The following PLCB1 variants were observed in gnomAD, a reference collection of about 807,000 sequenced individuals.
PLCB1 encodes phospholipase C beta 1, also known as 1-phosphatidylinositol 4,5-bisphosphate phosphodiesterase beta-1.
PLCB1 carries 46 observed loss-of-function variants against 161.8 expected under a neutral mutation model. The ratio of observed to expected loss-of-function variants is 0.28; its 90% CI spans 0.22 to 0.36. The LOEUF (loss-of-function observed/expected upper bound fraction) is 0.36, where lower values mean the gene tolerates loss of function less well. Among genes scored for constraint, PLCB1 ranks in the 10% least tolerant of loss-of-function variants. PLCB1 has a pLI of 1.00. For synonymous variants in PLCB1, 517 were observed against 503.7 expected (o/e 1.03, Z -0.35); for missense variants, 1,016 against 1,472.5 (o/e 0.69, Z 5.07).
intron 2 of PLCB1, among the ~76,000 whole-genome samples, chr20:8,221,227 C>T (rs1979391290): frequency 6.6e-6 from 1 of 152,054 alleles, no homozygotes; most frequent in Admixed American, 6.6e-5. Context: ...GAGCCAAGAA[C>T]TTAAAAAAAG....
chr20:8,866,178 A>C (rs1987422549), intron 31 of PLCB1, among the ~76,000 whole-genome samples: 1 of 152,174 alleles, frequency 6.6e-6, no homozygotes, highest in Admixed American at 6.5e-5. Context: ...CACCACACTT[A>C]CGTGACGAAG....
chr20:8,252,300 T>C (rs1981186464), intron 2 of PLCB1, among the ~76,000 whole-genome samples: 1 of 151,936 alleles, frequency 6.6e-6, no homozygotes, highest in Non-Finnish European at 1.5e-5. Flanking sequence ...TAGACTGTAA[T>C]GAATAGCCAC....
At chr20:8,629,942 C>CTT in intron 4 of PLCB1, among the ~76,000 whole-genome samples, 2 of 140,814 alleles carry the variant, frequency 1.4e-5, no homozygotes, top group Non-Finnish European at 1.5e-5. Flanking sequence ...TCCTTTCTTT[C>CTT]TCTCTTTCTT....
At chr20:8,370,517 A>G (rs929189211) in intron 2 of PLCB1, among the ~76,000 whole-genome samples, 16 of 152,240 alleles carry the variant, frequency 1.1e-4, no homozygotes, top group Admixed American at 9.2e-4. Flanking sequence ...CTAAGTGTCT[A>G]AAGGCCACGA....
At chr20:8,747,972 A>G (rs1600295418) in intron 23 of PLCB1, among the ~76,000 whole-genome samples, 1 of 152,172 alleles carries the variant, frequency 6.6e-6, no homozygotes, top group African/African-American at 2.4e-5. Context: ...CAGAAACTTG[A>G]TATTTCATTC....
intron 14 of PLCB1, among the ~76,000 whole-genome samples, chr20:8,720,846 A>ATT (rs35830060): frequency 1.4e-5 from 2 of 147,394 alleles, no homozygotes; most frequent in East Asian, 4.0e-4. Context: ...CCCCTCTCTG[A>ATT]TTTTTTTTTT....
At chr20:8,486,077 A>C (rs572768134) in intron 3 of PLCB1, among the ~76,000 whole-genome samples, 2 of 152,262 alleles carry the variant, frequency 1.3e-5, no homozygotes, top group South Asian at 4.1e-4. Flanking sequence ...CCCTTATAAA[A>C]CCATCAGACC....
At chr20:8,391,779 G>GCCACA (rs1239793503) in intron 3 of PLCB1, among the ~76,000 whole-genome samples, 3 of 80,594 alleles carry the variant, frequency 3.7e-5, no homozygotes, top group Admixed American at 1.5e-4. Context: ...ATATATATAT[G>GCCACA]TGTGTGTATA....
At chr20:8,491,615 T>TACTGACTTCC (rs1982950134) in intron 3 of PLCB1, among the ~76,000 whole-genome samples, 1 of 152,164 alleles carries the variant, frequency 6.6e-6, no homozygotes, top group Non-Finnish European at 1.5e-5. Context: ...CCTTGGGAAG[T>TACTGACTTCC]CAGTACTCAA....
chr20:8,403,551 G>C (rs1415419753), intron 3 of PLCB1, among the ~76,000 whole-genome samples: 1 of 152,176 alleles, frequency 6.6e-6, no homozygotes, highest in Non-Finnish European at 1.5e-5. Context: ...AGATGGGCAA[G>C]GCTTCACAGA....
At chr20:8,213,904 C>G (rs554099238) in intron 2 of PLCB1, among the ~76,000 whole-genome samples, 7 of 151,978 alleles carry the variant, frequency 4.6e-5, no homozygotes, top group Non-Finnish European at 8.8e-5. Context: ...CAGCATTTAG[C>G]AAGGAAATAC....
At chr20:8,362,140 T>C (rs1026693106) in intron 2 of PLCB1, among the ~76,000 whole-genome samples, 3 of 152,144 alleles carry the variant, frequency 2.0e-5, no homozygotes, top group Non-Finnish European at 2.9e-5. Context: ...AATTCCTCTG[T>C]GAGAAGCCTG....
intron 1 of PLCB1, among the ~76,000 whole-genome samples, chr20:8,149,391 T>C (rs1600199337): frequency 6.6e-6 from 1 of 152,292 alleles, no homozygotes; most frequent in Non-Finnish European, 1.5e-5. Context: ...AAATCATTCA[T>C]ACTGCTCTGC....
At chr20:8,448,952 TTCCATGA>T (rs1365252468) in intron 3 of PLCB1, among the ~76,000 whole-genome samples, 4 of 152,298 alleles carry the variant, frequency 2.6e-5, no homozygotes, top group African/African-American at 9.6e-5. Context: ...GATTTTATGA[TTCCATGA>T]TCACAGAAAC....
chr20:8,450,146 G>A (rs1376016466), intron 3 of PLCB1, among the ~76,000 whole-genome samples: 1 of 152,022 alleles, frequency 6.6e-6, no homozygotes, highest in African/African-American at 2.4e-5. Context: ...TTTTTCCTAG[G>A]CTTCCTCCCA....
intron 14 of PLCB1, 109 bp downstream of exon 14, chr20:8,717,957 G>A (rs1407243802): frequency 1.1e-6 from 1 of 937,360 alleles, no homozygotes; most frequent in Non-Finnish European, 1.5e-6. Flanking sequence ...TTTGGAGGCT[G>A]AGGCAGGTGG....
intron 31 of PLCB1, among the ~76,000 whole-genome samples, chr20:8,854,858 ACTC>A (rs1987016731): frequency 1.3e-5 from 2 of 152,036 alleles, no homozygotes; most frequent in Admixed American, 1.3e-4. Context: ...GTTAGCCAAG[ACTC>A]CTTCGTGCTT....
intron 3 of PLCB1, among the ~76,000 whole-genome samples, chr20:8,533,583 G>A (rs960831087): frequency 1.4e-4 from 21 of 151,822 alleles, no homozygotes; most frequent in African/African-American, 5.1e-4. Context: ...GTATCTCATT[G>A]TGGTTTTGAT....
chr20:8,160,142 G>A (rs1483673495), intron 2 of PLCB1, among the ~76,000 whole-genome samples: 1 of 152,144 alleles, frequency 6.6e-6, no homozygotes, highest in Non-Finnish European at 1.5e-5. Context: ...CTTTGCTCCA[G>A]TTCCCAATGA....
Sources: allele counts gnomAD v4.1 joint callset (sites outside exome capture counted in the v4.1 genomes callset), GRCh38; gene constraint gnomAD v4.1.1; transcripts MANE v1.5; gene names NCBI Gene and HGNC (gene_info 2026-07-23, HGNC 2026-07-21).